Variants in CSMD1 observed in about 807,000 individuals in gnomAD.
The protein encoded by CSMD1 is CUB and sushi domain-containing protein 1.
In CSMD1, 213 loss-of-function variants were observed where a neutral mutation model predicts 417.5. That is an observed-to-expected ratio of 0.51 (90% CI 0.46 to 0.57). The LOEUF (loss-of-function observed/expected upper bound fraction) is 0.57, where lower values mean the gene tolerates loss of function less well. CSMD1 is among the 20% of genes least tolerant of loss of function. The pLI is 0.00. For missense variants in CSMD1, 6,923 were observed against 4,529.7 expected, an observed-to-expected ratio of 1.53 and a Z score of -15.17; for synonymous variants, 2,862 against 1,736.8, an observed-to-expected ratio of 1.65 and a Z score of -16.11.
At chr8:3,821,943 T>C (rs532684077) in intron 5 of CSMD1, among the ~76,000 whole-genome samples, 2 of 152,328 alleles carry the variant, frequency 1.3e-5, no homozygotes, top group South Asian at 2.1e-4. Context: ...GAGGTTTTCC[T>C]ACATTTCCAG....
chr8:3,432,560 A>G (rs1048577089), intron 12 of CSMD1, among the ~76,000 whole-genome samples: 1 of 122,526 alleles, frequency 8.2e-6, no homozygotes, highest in Non-Finnish European at 1.6e-5. Flanking sequence ...ACCAGGCTGG[A>G]GTGCAGTGGT....
At chr8:4,401,742 G>C (rs886645041) in intron 3 of CSMD1, among the ~76,000 whole-genome samples, 1 of 152,058 alleles carries the variant, frequency 6.6e-6, no homozygotes, top group Non-Finnish European at 1.5e-5. Flanking sequence ...TCCACCTGAA[G>C]CTGGCGTCCC....
chr8:4,093,962 TCAAA>T (rs1222656632), intron 3 of CSMD1, among the ~76,000 whole-genome samples: 12 of 115,068 alleles, frequency 1.0e-4, no homozygotes, highest in African/African-American at 3.7e-4. Context: ...AGACTACATC[TCAAA>T]TAGATAGATA....
intron 3 of CSMD1, among the ~76,000 whole-genome samples, chr8:4,078,249 G>A (rs2554682): frequency 0.19 from 29,143 of 150,230 alleles, 3,053 homozygotes; most frequent in Middle Eastern, 0.28. Flanking sequence ...AACGTATTAC[G>A]TAATTGCACT....
intron 5 of CSMD1, among the ~76,000 whole-genome samples, chr8:3,990,538 A>G (rs1355743180): frequency 3.9e-5 from 6 of 152,238 alleles, no homozygotes; most frequent in Non-Finnish European, 8.8e-5. Flanking sequence ...CATTTTATCC[A>G]TAGCTACCAC....
At position 3,975,520 on chromosome 8, in the gene CSMD1, G is replaced by T. The variant is rs185753111; in HGVS notation, c.818+22383C>A. ...AGTAGCACAGAAACTTCATCCACAG[G>T]TTGCTGCTGCCATGGCTTCTCCCAC... On this transcript the variant is annotated intron_variant, in intron 5 of 69. Transcript: ENST00000635120. Among the ~76,000 whole-genome samples the T allele has an allele frequency of 4.5e-3, 679 of 152,222 alleles. 6 individuals are homozygous for T. Among genetic ancestry groups the T allele is most frequent in the Non-Finnish European group, 6.0e-3 (406 of 68,026 alleles).
At chr8:2,939,117 T>A (rs540538972) in intron 69 of CSMD1, among the ~76,000 whole-genome samples, 1 of 152,314 alleles carries the variant, frequency 6.6e-6, no homozygotes, top group African/African-American at 2.4e-5. Context: ...GATTTACTTA[T>A]GCTTCCTACA....
intron 3 of CSMD1, among the ~76,000 whole-genome samples, chr8:4,248,377 C>T (rs1410812651): frequency 6.6e-6 from 1 of 152,152 alleles, no homozygotes; most frequent in South Asian, 2.1e-4. Context: ...TTGGTGAGTG[C>T]TGGTTTGCTG....
At chr8:3,521,411 C>T (rs1195879134) in intron 10 of CSMD1, among the ~76,000 whole-genome samples, 3 of 152,172 alleles carry the variant, frequency 2.0e-5, no homozygotes, top group African/African-American at 7.2e-5. Flanking sequence ...GCCACCATTT[C>T]CATGAAGTCC....
chr8:4,514,020 A>G (rs1112780), intron 2 of CSMD1, among the ~76,000 whole-genome samples: 57,866 of 152,018 alleles, frequency 0.38, 11,903 homozygotes, highest in Non-Finnish European at 0.46. Flanking sequence ...GTCAGCTCAG[A>G]CTGCCATAAT....
intron 1 of CSMD1, among the ~76,000 whole-genome samples, chr8:4,784,547 T>C (rs760611071): frequency 6.6e-6 from 1 of 152,232 alleles, no homozygotes; most frequent in Non-Finnish European, 1.5e-5. Flanking sequence ...TTTTAAGATT[T>C]AGTTTTTTCT....
Position 4,217,546 on chromosome 8 carries a change from A to G in CSMD1, c.416-185447T>C, listed in dbSNP as rs185831905. ...GGTGGTGGTGGAAGTGTCTTCTTGA[A>G]TAAGGAAGGCTTTACGCAGCAAAGG... On this transcript the variant is annotated intron_variant, in intron 3 of 69. Coordinates refer to ENST00000635120, the MANE Select transcript of CSMD1 (RefSeq NM_033225.6). Among the ~76,000 whole-genome samples the G allele has an allele frequency of 2.2e-4, 33 of 152,278 alleles. 1 individual carries two copies. In the East Asian group the frequency reaches 6.4e-3, roughly 29 times the overall value.
intron 2 of CSMD1, among the ~76,000 whole-genome samples, chr8:4,466,325 AG>A (rs1303922040): frequency 6.6e-6 from 1 of 152,162 alleles, no homozygotes; most frequent in Non-Finnish European, 1.5e-5. Context: ...GAGGGAAGAA[AG>A]AAAGGGAAGA....
At position 3,125,121 on chromosome 8, in the gene CSMD1, T is replaced by C. The variant is rs1273739030; in HGVS notation, c.6242-6534A>G. 5.3e-5 allele frequency among the ~76,000 whole-genome samples: 8 copies of C among 152,232 alleles called. No individual in the cohort carries two copies. The South Asian group carries it at 1.4e-3, about 28-fold the overall frequency. ...CACTGTCACACTTCACACAATAAGG[T>C]ATAAAGGACTATATTAGGAGTCTGA... On this transcript the variant is annotated intron_variant, in intron 41 of 69. Coordinates refer to ENST00000635120, the MANE Select transcript of CSMD1 (RefSeq NM_033225.6).
At chr8:4,012,056 G>A (rs1031634108) in intron 4 of CSMD1, among the ~76,000 whole-genome samples, 1 of 152,048 alleles carries the variant, frequency 6.6e-6, no homozygotes, top group Non-Finnish European at 1.5e-5. Flanking sequence ...GGTCGGTACA[G>A]ATGCAGCCAT....
At chr8:3,159,885 T>A (rs1361287696) in intron 38 of CSMD1, among the ~76,000 whole-genome samples, 1 of 152,340 alleles carries the variant, frequency 6.6e-6, no homozygotes, top group South Asian at 2.1e-4. Flanking sequence ...TAATATCATT[T>A]ATAAAAGAAC....
intron 2 of CSMD1, among the ~76,000 whole-genome samples, chr8:4,595,823 T>TTCCTGGACACTGGACACAGA: frequency 6.6e-6 from 1 of 152,348 alleles, no homozygotes; most frequent in South Asian, 2.1e-4. Context: ...TCAGAGCTCC[T>TTCCTGGACACTGGACACAGA]GTTTTCCTTC....
chr8:4,766,151 G>C (rs889721958), intron 1 of CSMD1, among the ~76,000 whole-genome samples: 1 of 152,148 alleles, frequency 6.6e-6, no homozygotes, highest in African/African-American at 2.4e-5. Flanking sequence ...AATGCTTTGT[G>C]TACTAGTCCT....
intron 23 of CSMD1, among the ~76,000 whole-genome samples, chr8:3,310,893 A>C (rs1461044366): frequency 6.6e-6 from 1 of 152,172 alleles, no homozygotes; most frequent in East Asian, 1.9e-4. Context: ...GTTTTAAAAA[A>C]AGTTTTTAAA....
Sources: allele counts gnomAD v4.1 joint callset (sites outside exome capture counted in the v4.1 genomes callset), GRCh38; gene constraint gnomAD v4.1.1; transcripts MANE v1.5; gene names NCBI Gene and HGNC (gene_info 2026-07-23, HGNC 2026-07-21).